The following DPP6 variants were observed in gnomAD, a reference collection of about 807,000 sequenced individuals.
DPP6 encodes A-type potassium channel modulatory protein DPP6.
Under a neutral mutation model 122.6 loss-of-function variants are expected in DPP6, and 69 were observed. The ratio of observed to expected loss-of-function variants is 0.56; its 90% CI spans 0.46 to 0.69. The LOEUF (loss-of-function observed/expected upper bound fraction) is 0.69, where lower values mean the gene tolerates loss of function less well. DPP6 is among the 30% of genes least tolerant of loss of function. The pLI, the probability that DPP6 is intolerant of heterozygous loss-of-function variation, is 0.00. For missense variants in DPP6, 928 were observed against 1,116.9 expected (o/e 0.83, Z 2.41); for synonymous variants, 418 against 433.1 (o/e 0.97, Z 0.43).
chr7:154,853,680 C>T lies in DPP6; in HGVS notation c.1667-100C>T, dbSNP rs1174305250. ...GAATTCGGGTTCTCCAGGCTCCGCACGTCTATCTACGTGGCATAAGAAAAG... is the reference window on the plus strand; with the variant it reads ...GAATTCGGGTTCTCCAGGCTCCGCATGTCTATCTACGTGGCATAAGAAAAG... On this transcript the variant is annotated intron_variant, in intron 16 of 25. Coordinates refer to ENST00000377770, the MANE Select transcript of DPP6 (RefSeq NM_130797.4). 8 of 1,508,798 alleles carry T rather than the reference C, an allele frequency of 5.3e-6. No individual in the cohort carries two copies. The African/African-American group carries it at 8.4e-5, about 16-fold the overall frequency. The allele number at this position is 1,508,798 out of a possible 1,614,324, so 93.5% of individuals were successfully genotyped here.
chr7:153,793,682 G>A, the DPP6 span, among the ~76,000 whole-genome samples: 1 of 149,698 alleles, frequency 6.7e-6, no homozygotes, highest in East Asian at 1.9e-4. Context: ...CACATCAGAG[G>A]TCTTCATGGT....
At chr7:154,420,665 A>T (rs1817397009) in intron 1 of DPP6, among the ~76,000 whole-genome samples, 1 of 152,182 alleles carries the variant, frequency 6.6e-6, no homozygotes, top group Non-Finnish European at 1.5e-5. Context: ...GTTAATAATA[A>T]TGTGTATTTC....
At position 154,889,317 on chromosome 7, in the gene DPP6, T is replaced by A. The variant is rs1238655957; in HGVS notation, c.2350T>A (p.Phe784Ile). 19 of 1,612,852 alleles carry A rather than the reference T, an allele frequency of 1.2e-5. No homozygotes were observed. The highest frequency in any genetic ancestry group is 4.0e-5 in the African/African-American group (3 of 74,778). The change falls in exon 24 of 26, where the codon TTC (phenylalanine) becomes ATC (isoleucine). Residue 784 changes from phenylalanine (F) to isoleucine (I), a missense_variant. Coordinates refer to ENST00000377770, the MANE Select transcript of DPP6 (RefSeq NM_130797.4). Reference protein sequence around the residue: ...HRVSALEEQQFLIIHPTADEK... With the variant: ...HRVSALEEQQILIIHPTADEK... ...AGTCTCCGCGCTGGAAGAACAGCAGTTCCTGATCATTCATCCCACTGCCGA... is the reference window on the plus strand; with the variant it reads ...AGTCTCCGCGCTGGAAGAACAGCAGATCCTGATCATTCATCCCACTGCCGA...
chr7:154,334,683 G>A (rs1809246198), intron 1 of DPP6, among the ~76,000 whole-genome samples: 1 of 152,188 alleles, frequency 6.6e-6, no homozygotes, highest in Non-Finnish European at 1.5e-5. Context: ...ATCACTTGAG[G>A]TCAGAAGTTC....
intron 1 of DPP6, among the ~76,000 whole-genome samples, chr7:154,350,955 C>T (rs927294368): frequency 8.5e-5 from 13 of 152,152 alleles, no homozygotes; most frequent in African/African-American, 2.7e-4. Flanking sequence ...GGCTGTTCCT[C>T]GGAGGGCATT....
At chr7:154,867,719 C>T (rs10254936) in intron 17 of DPP6, among the ~76,000 whole-genome samples, 3,373 of 152,246 alleles carry the variant, frequency 0.022, 88 homozygotes, top group African/African-American at 0.057. Flanking sequence ...TGTGACGCCA[C>T]GGAGAACAAA....
the DPP6 span, among the ~76,000 whole-genome samples, chr7:153,848,446 C>G: frequency 6.6e-6 from 1 of 151,660 alleles, no homozygotes; most frequent in South Asian, 2.1e-4. Flanking sequence ...GTTCTGCAAA[C>G]CCCTGGCCTT....
chr7:153,915,539 G>T (rs1252195516), intron 1 of DPP6, among the ~76,000 whole-genome samples: 1 of 152,186 alleles, frequency 6.6e-6, no homozygotes, highest in African/African-American at 2.4e-5. Context: ...AAGTGAAATT[G>T]GTAGAAACAG....
intron 1 of DPP6, among the ~76,000 whole-genome samples, chr7:154,353,221 C>G (rs1051968934): frequency 6.6e-6 from 1 of 152,222 alleles, no homozygotes; most frequent in Non-Finnish European, 1.5e-5. Context: ...CTGGGATTTG[C>G]TTACTATTCA....
At chr7:154,387,729 T>G (rs56987333) in intron 1 of DPP6, among the ~76,000 whole-genome samples, 6,888 of 152,284 alleles carry the variant, frequency 0.045, 287 homozygotes, top group East Asian at 0.11. Flanking sequence ...AAGGGATTAC[T>G]GTAGGCTTTG....
the DPP6 span, among the ~76,000 whole-genome samples, chr7:153,806,021 T>C: frequency 0.12 from 17,486 of 151,848 alleles, 1,317 homozygotes; most frequent in South Asian, 0.17. Flanking sequence ...TACATATATA[T>C]ATAAATACTT....
intron 1 of DPP6, among the ~76,000 whole-genome samples, chr7:154,158,075 A>G (rs1403354621): frequency 1.3e-5 from 2 of 149,200 alleles, no homozygotes; most frequent in Non-Finnish European, 3.0e-5. Context: ...ATTACTTTTC[A>G]CCCAATTTCA....
chr7:153,982,082 G>T (rs1415417291), intron 1 of DPP6, among the ~76,000 whole-genome samples: 1 of 152,120 alleles, frequency 6.6e-6, no homozygotes, highest in African/African-American at 2.4e-5. Flanking sequence ...GAATTTGAAT[G>T]TTGGCCTGCC....
chr7:154,267,369 T>TTATATTA (rs923947691), intron 1 of DPP6, among the ~76,000 whole-genome samples: 11 of 147,784 alleles, frequency 7.4e-5, no homozygotes, highest in East Asian at 1.9e-4. Flanking sequence ...CTGTAACAAA[T>TTATATTA]TATATATATA....
chr7:154,401,758 A>C (rs1252832075), intron 1 of DPP6, among the ~76,000 whole-genome samples: 3 of 152,364 alleles, frequency 2.0e-5, no homozygotes, highest in Admixed American at 6.5e-5. Context: ...GGATCTAATT[A>C]AACTAAAGAG....
chr7:154,058,879 C>A (rs555491350), intron 1 of DPP6: 3 of 149,396 alleles, frequency 2.0e-5, no homozygotes, highest in African/African-American at 5.0e-5. Flanking sequence ...GGGAGGCACC[C>A]CCTACGAGAG....
intron 1 of DPP6, among the ~76,000 whole-genome samples, chr7:154,203,155 C>T (rs4726385): frequency 0.65 from 99,341 of 152,040 alleles, 36,094 homozygotes; most frequent in Non-Finnish European, 0.81. Flanking sequence ...GTATTAAATA[C>T]GGAAATGAGC....
intron 1 of DPP6, among the ~76,000 whole-genome samples, chr7:153,967,641 T>A (rs1319455212): frequency 6.7e-6 from 1 of 149,450 alleles, no homozygotes; most frequent in Non-Finnish European, 1.5e-5. Context: ...CATCAGTGTC[T>A]CTCTCTGATT....
chr7:154,757,750 G>A (rs1237683672), intron 8 of DPP6, among the ~76,000 whole-genome samples: 1 of 152,154 alleles, frequency 6.6e-6, no homozygotes, highest in East Asian at 1.9e-4. Context: ...GAAAATCTCC[G>A]GCACACGGGA....
Sources: gnomAD v4.1 joint callset for allele counts (sites outside exome capture counted in the v4.1 genomes callset) on GRCh38, gnomAD v4.1.1 for gene constraint, MANE v1.5 for transcripts, NCBI Gene and HGNC (gene_info 2026-07-23, HGNC 2026-07-21) for gene names.